CSMD2: variants seen among roughly 807,000 people sequenced by gnomAD.
The protein encoded by CSMD2 is CUB and Sushi multiple domains 2, also known as CUB and sushi domain-containing protein 2.
A neutral mutation model predicts 398.5 loss-of-function variants in CSMD2; 130 were observed. The observed-to-expected ratio is 0.33, with a 90% CI of 0.28 to 0.38. CSMD2 has a LOEUF of 0.38. CSMD2 is among the 10% of genes least tolerant of loss of function. CSMD2 has a pLI of 1.00. For synonymous variants in CSMD2, 1,828 were observed against 1,908.5 expected (o/e 0.96, Z 1.10); for missense variants, 3,829 against 4,764.9 (o/e 0.80, Z 5.78).
chr1:34,109,362 C>T (rs1184253198), intron 1 of CSMD2, among the ~76,000 whole-genome samples: 2 of 152,190 alleles, frequency 1.3e-5, no homozygotes, highest in Admixed American at 1.3e-4. Context: ...TCCCTCTGCT[C>T]AAGCAAATTA....
chr1:33,890,725 C>A (rs1464935529), intron 5 of CSMD2, among the ~76,000 whole-genome samples: 5 of 151,456 alleles, frequency 3.3e-5, no homozygotes, highest in Non-Finnish European at 4.4e-5. Flanking sequence ...AGAACAGAGC[C>A]CTCAGAAATA....
intron 2 of CSMD2, among the ~76,000 whole-genome samples, chr1:34,057,654 T>C (rs534499632): frequency 2.6e-5 from 4 of 152,262 alleles, no homozygotes; most frequent in Admixed American, 2.6e-4. Flanking sequence ...CGTTACTCCC[T>C]TCCACAAGCC....
intron 1 of CSMD2, among the ~76,000 whole-genome samples, chr1:34,150,497 A>G (rs1230032810): frequency 2.6e-5 from 4 of 152,150 alleles, no homozygotes; most frequent in Non-Finnish European, 5.9e-5. Flanking sequence ...GGTCTTAGCA[A>G]GTAATTTAAT....
chr1:33,812,479 C>T (rs1324997031), intron 9 of CSMD2, among the ~76,000 whole-genome samples: 1 of 152,250 alleles, frequency 6.6e-6, no homozygotes, highest in East Asian at 1.9e-4. Flanking sequence ...CCATGTATAT[C>T]TGATTGCTCC....
chr1:34,092,551 G>A (rs1337442510), intron 1 of CSMD2, among the ~76,000 whole-genome samples: 8 of 152,266 alleles, frequency 5.3e-5, no homozygotes, highest in South Asian at 2.1e-4. Context: ...GTGGGTGCGC[G>A]CACCGTGCAC....
chr1:33,520,652 G>A (rs546791435), intron 68 of CSMD2, among the ~76,000 whole-genome samples: 95 of 152,364 alleles, frequency 6.2e-4, no homozygotes, highest in Middle Eastern at 3.4e-3. Context: ...GACAACTCCG[G>A]GGGAGGAGCA....
intron 21 of CSMD2, 126 bp from the exon 22 acceptor site, chr1:33,709,384 C>T (rs150905909): frequency 4.0e-5 from 29 of 730,942 alleles, no homozygotes; most frequent in South Asian, 1.3e-4. Flanking sequence ...AAGGTGCCTG[C>T]GTGTCTGTCC....
chr1:33,542,392 G>A (rs2148599710), intron 58 of CSMD2, among the ~76,000 whole-genome samples: 1 of 152,334 alleles, frequency 6.6e-6, no homozygotes, highest in Non-Finnish European at 1.5e-5. Context: ...CCAAGGAATT[G>A]GCTAGAGCCT....
At chr1:33,681,537 C>T (rs1194812565) in intron 25 of CSMD2, among the ~76,000 whole-genome samples, 3 of 152,208 alleles carry the variant, frequency 2.0e-5, no homozygotes, top group African/African-American at 7.2e-5. Flanking sequence ...GCCCAAGTTA[C>T]ACACAATCTT....
chr1:34,063,211 G>T (rs1654721048), intron 2 of CSMD2, among the ~76,000 whole-genome samples: 3 of 152,144 alleles, frequency 2.0e-5, no homozygotes, highest in Non-Finnish European at 2.9e-5. Context: ...TCCAACCCTG[G>T]CCCCTCCAAA....
At chr1:34,135,839 A>G (rs369421333) in intron 1 of CSMD2, among the ~76,000 whole-genome samples, 1 of 152,042 alleles carries the variant, frequency 6.6e-6, no homozygotes, top group African/African-American at 2.4e-5. Flanking sequence ...TTCCATTTAC[A>G]TTTTCTTACA....
At chr1:34,107,137 T>C (rs1660600169) in intron 1 of CSMD2, among the ~76,000 whole-genome samples, 1 of 152,194 alleles carries the variant, frequency 6.6e-6, no homozygotes, top group African/African-American at 2.4e-5. Flanking sequence ...TGTCTGGGTC[T>C]TTCAGAGTGA....
chr1:34,131,301 T>C (rs959983571), intron 1 of CSMD2, among the ~76,000 whole-genome samples: 2 of 152,196 alleles, frequency 1.3e-5, no homozygotes, highest in South Asian at 2.1e-4. Context: ...GAATTATACC[T>C]GACCCAAAGT....
intron 22 of CSMD2, among the ~76,000 whole-genome samples, chr1:33,708,670 T>C (rs1433772369): frequency 6.6e-6 from 1 of 151,362 alleles, no homozygotes; most frequent in Non-Finnish European, 1.5e-5. Flanking sequence ...GGCATGATCA[T>C]GGCTCACTGT....
At position 33,995,586 on chromosome 1, in the gene CSMD2, G is replaced by T. The variant is rs368816015; in HGVS notation, c.517+37008C>A. Among the ~76,000 whole-genome samples the T allele has an allele frequency of 1.6e-4, 25 of 152,258 alleles. No homozygotes were observed. The East Asian group carries it at 4.4e-3, about 27-fold the overall frequency. ...GTGCAAAACTTCGATTCCTCCAAAG[G>T]TCTGAGATCCTGCTCAGCTCTCAGG... On this transcript the variant is annotated intron_variant, in intron 3 of 70. Transcript: ENST00000373381.
At chr1:33,830,647 C>A (rs1278399045) in intron 6 of CSMD2, among the ~76,000 whole-genome samples, 8 of 152,344 alleles carry the variant, frequency 5.3e-5, no homozygotes, top group East Asian at 1.9e-4. Context: ...AGCAACGGAA[C>A]AAAGCTGGAT....
intron 48 of CSMD2, among the ~76,000 whole-genome samples, chr1:33,578,344 G>A (rs1638440802): frequency 6.6e-6 from 1 of 152,346 alleles, no homozygotes; most frequent in South Asian, 2.1e-4. Context: ...TTGTGAGGCT[G>A]AGGCCAGTGG....
intron 25 of CSMD2, among the ~76,000 whole-genome samples, chr1:33,670,281 A>G (rs1307841958): frequency 1.3e-5 from 2 of 152,134 alleles, no homozygotes; most frequent in East Asian, 3.8e-4. Flanking sequence ...ATTCACTTCT[A>G]TATCTCTGGT....
chr1:33,746,662 T>C (rs941237820), intron 13 of CSMD2, among the ~76,000 whole-genome samples: 2 of 152,208 alleles, frequency 1.3e-5, no homozygotes, highest in Non-Finnish European at 2.9e-5. Flanking sequence ...CCCCAACACA[T>C]ACACAGATCT....
Sources: gnomAD v4.1 joint callset for allele counts (sites outside exome capture counted in the v4.1 genomes callset) on GRCh38, gnomAD v4.1.1 for gene constraint, MANE v1.5 for transcripts, NCBI Gene and HGNC (gene_info 2026-07-23, HGNC 2026-07-21) for gene names.